Variants in ACBD6 observed in about 807,000 individuals in gnomAD.
The protein encoded by ACBD6 is acyl-CoA binding domain containing 6.
A neutral mutation model predicts 37.2 loss-of-function variants in ACBD6; 28 were observed. The observed-to-expected ratio is 0.75, with a 90% confidence interval of 0.56 to 1.03. The LOEUF (loss-of-function observed/expected upper bound fraction) is 1.03, where lower values mean the gene tolerates loss of function less well. Ranked by LOEUF, ACBD6 falls within the 50% of genes least tolerant of loss-of-function variation. The probability of loss-of-function intolerance (pLI) is 0.00; values close to 1 mark genes in which losing one functional copy is unlikely to be tolerated. For synonymous variants in ACBD6, 113 were observed against 126.8 expected, an observed-to-expected ratio of 0.89 and a Z score of 0.73; for missense variants, 340 against 337.4, an observed-to-expected ratio of 1.01 and a Z score of -0.06.
chr1:180,355,890 C>T (rs755468806), intron 6 of ACBD6, among the ~76,000 whole-genome samples: 3 of 151,036 alleles, frequency 2.0e-5, no homozygotes, highest in Admixed American at 6.6e-5. Flanking sequence ...TTTTTTGAGA[C>T]GGAGTCTTGC....
At chr1:180,282,104 C>G (rs1649330217) in intron 8 of ACBD6, among the ~76,000 whole-genome samples, 1 of 152,172 alleles carries the variant, frequency 6.6e-6, no homozygotes, top group South Asian at 2.1e-4. Context: ...AAAAGTATTA[C>G]ACACAAACTG....
intron 3 of ACBD6, among the ~76,000 whole-genome samples, chr1:180,459,386 G>A (rs986115921): frequency 1.3e-5 from 2 of 152,100 alleles, no homozygotes; most frequent in Non-Finnish European, 2.9e-5. Context: ...TAAAGCCATA[G>A]ACTGAAATAT....
chr1:180,400,198 C>A (rs1047628533), intron 5 of ACBD6, among the ~76,000 whole-genome samples: 5 of 152,066 alleles, frequency 3.3e-5, no homozygotes, highest in Non-Finnish European at 5.9e-5. Context: ...CCATGTGATG[C>A]CAAAAATTTA....
intron 4 of ACBD6, among the ~76,000 whole-genome samples, chr1:180,421,719 G>T (rs1341664448): frequency 1.3e-5 from 2 of 152,092 alleles, no homozygotes; most frequent in Non-Finnish European, 2.9e-5. Flanking sequence ...AGAGAGGCAT[G>T]AGAAGGCATC....
intron 3 of ACBD6, among the ~76,000 whole-genome samples, chr1:180,431,986 T>C (rs1288085128): frequency 6.6e-6 from 1 of 152,006 alleles, no homozygotes; most frequent in Non-Finnish European, 1.5e-5. Flanking sequence ...CAGGTGGATC[T>C]CTTGAAGCCA....
At chr1:180,336,729 T>A (rs1178747962) in intron 6 of ACBD6, among the ~76,000 whole-genome samples, 1 of 151,474 alleles carries the variant, frequency 6.6e-6, no homozygotes. Flanking sequence ...CAGGAGCTGG[T>A]TTTTTGAAAA....
At chr1:180,435,578 C>T (rs1649001113) in intron 3 of ACBD6, 8 of 1,041,400 alleles carry the variant, frequency 7.7e-6, no homozygotes, top group Non-Finnish European at 1.0e-5. Flanking sequence ...TGCAAAGTCC[C>T]GAGTAACCCA....
chr1:180,359,533 G>A (rs925142066), intron 6 of ACBD6, among the ~76,000 whole-genome samples: 1 of 152,064 alleles, frequency 6.6e-6, no homozygotes, highest in African/African-American at 2.4e-5. Flanking sequence ...TTGTTAGGAT[G>A]GAATTTACTT....
rs1181346100 is a variant in ACBD6 at position 180,320,989 on chromosome 1, A to C, written c.664-6267T>G. On this transcript the variant is annotated intron_variant, in intron 6 of 7. Transcript: ENST00000367595. ...TGTACATGGTGAGAGACAGGGGTCTAGTTTCATTCTTCTGCATACGGGTAT... is the reference window on the plus strand; with the variant it reads ...TGTACATGGTGAGAGACAGGGGTCTCGTTTCATTCTTCTGCATACGGGTAT... Among the ~76,000 whole-genome samples the C allele has an allele frequency of 2.6e-5, 4 of 152,260 alleles. No homozygotes were observed. In the East Asian group the frequency reaches 7.7e-4, roughly 29 times the overall value.
intron 3 of ACBD6, among the ~76,000 whole-genome samples, chr1:180,463,848 C>T (rs1174869172): frequency 1.3e-5 from 2 of 152,142 alleles, no homozygotes; most frequent in Non-Finnish European, 2.9e-5. Flanking sequence ...CATCAAAAAG[C>T]TTATCCACCA....
chr1:180,439,660 A>G (rs1475346051), intron 3 of ACBD6, among the ~76,000 whole-genome samples: 1 of 151,192 alleles, frequency 6.6e-6, no homozygotes, highest in African/African-American at 2.4e-5. Flanking sequence ...CAATTCATCC[A>G]TTACCATTGA....
At chr1:180,350,798 C>T (rs937605708) in intron 6 of ACBD6, among the ~76,000 whole-genome samples, 3 of 152,174 alleles carry the variant, frequency 2.0e-5, no homozygotes, top group Non-Finnish European at 4.4e-5. Flanking sequence ...TTACCTCTTC[C>T]AATGCACTTG....
intron 7 of ACBD6, among the ~76,000 whole-genome samples, chr1:180,295,904 G>A (rs1169967922): frequency 6.6e-6 from 1 of 152,016 alleles, no homozygotes; most frequent in Admixed American, 6.6e-5. Context: ...TTTTACTCAA[G>A]TAAAAGGAAG....
At chr1:180,350,027 T>TCC (rs1558261459) in intron 6 of ACBD6, among the ~76,000 whole-genome samples, 3 of 28,544 alleles carry the variant, frequency 1.1e-4, no homozygotes, top group African/African-American at 1.7e-4. Flanking sequence ...GTGACCCTTT[T>TCC]TTTTTTTTTT....
chr1:180,493,110 G>A (rs1259483702), intron 2 of ACBD6, among the ~76,000 whole-genome samples: 2 of 151,732 alleles, frequency 1.3e-5, no homozygotes, highest in Non-Finnish European at 2.9e-5. Context: ...TTAGCCAGGC[G>A]TGGTGGTGTG....
At chr1:180,495,978 C>A (rs1281505678) in intron 1 of ACBD6, among the ~76,000 whole-genome samples, 1 of 152,062 alleles carries the variant, frequency 6.6e-6, no homozygotes, top group Admixed American at 6.6e-5. Flanking sequence ...TTTAACTCTC[C>A]AAAATTCCAG....
intron 3 of ACBD6, among the ~76,000 whole-genome samples, chr1:180,467,472 A>AAAAC (rs370655998): frequency 2.8e-4 from 32 of 114,522 alleles, no homozygotes; most frequent in African/African-American, 8.8e-4. Context: ...AAAAAAAAAA[A>AAAAC]CAAAAACAAA....
chr1:180,366,979 G>A (rs1191422221), intron 6 of ACBD6, among the ~76,000 whole-genome samples: 2 of 152,144 alleles, frequency 1.3e-5, no homozygotes, highest in Admixed American at 6.5e-5. Flanking sequence ...TACTAGCTTT[G>A]TGTCCTCAAG....
intron 3 of ACBD6, among the ~76,000 whole-genome samples, chr1:180,434,167 C>T (rs1387282045): frequency 6.6e-6 from 1 of 152,128 alleles, no homozygotes; most frequent in African/African-American, 2.4e-5. Context: ...ACTTTCCTCC[C>T]TTTAGCATTC....
Sources: gnomAD v4.1 joint callset for allele counts (sites outside exome capture counted in the v4.1 genomes callset) on GRCh38, gnomAD v4.1.1 for gene constraint, MANE v1.5 for transcripts, NCBI Gene and HGNC (gene_info 2026-07-23, HGNC 2026-07-21) for gene names.